FAM193A: variants seen among roughly 807,000 people sequenced by gnomAD.
FAM193A encodes protein FAM193A.
A neutral mutation model predicts 126.5 loss-of-function variants in FAM193A; 22 were observed. The observed-to-expected ratio is 0.17, with a 90% CI of 0.12 to 0.25. The LOEUF is 0.25. Ranked by LOEUF, FAM193A falls within the 10% of genes least tolerant of loss-of-function variation. The pLI is 1.00. For missense variants in FAM193A, 1,675 were observed against 1,672.8 expected (o/e 1.00, Z -0.02); for synonymous variants, 761 against 646.8 (o/e 1.18, Z -2.68).
chr4:2,625,910 G>A (rs1017416992), intron 3 of FAM193A, among the ~76,000 whole-genome samples: 1 of 152,026 alleles, frequency 6.6e-6, no homozygotes, highest in African/African-American at 2.4e-5. Context: ...ATTTTATAGA[G>A]ATGGGGCTTC....
chr4:2,674,173 A>G (rs1203972215), intron 13 of FAM193A, among the ~76,000 whole-genome samples: 2 of 152,246 alleles, frequency 1.3e-5, no homozygotes, highest in Non-Finnish European at 2.9e-5. Context: ...ACAATTATCA[A>G]AATACTTCAT....
rs375457433 is a variant in FAM193A at position 2,663,000 on chromosome 4, A to T, written c.1899+9A>T. Reference sequence around the variant, plus strand: ...TGGCCCTGAAGGATGAGGTATGGACATGGCTTCTTCGTAGCAACAATAAAT... The same window carrying T: ...TGGCCCTGAAGGATGAGGTATGGACTTGGCTTCTTCGTAGCAACAATAAAT... On this transcript the variant is annotated intron_variant, in intron 11 of 20. Coordinates refer to ENST00000637812, the MANE Select transcript of FAM193A (RefSeq NM_001366318.2). 66 of 1,604,470 alleles carry T rather than the reference A, an allele frequency of 4.1e-5. 1 individual carries two copies. The Middle Eastern group carries it at 5.0e-4, about 12-fold the overall frequency.
intron 20 of FAM193A, among the ~76,000 whole-genome samples, chr4:2,716,407 C>G (rs1310960372): frequency 1.3e-5 from 2 of 151,420 alleles, no homozygotes; most frequent in East Asian, 3.9e-4. Flanking sequence ...CGGTGGCTCT[C>G]CAGGTGTCCT....
At position 2,672,135 on chromosome 4, in the gene FAM193A, A is replaced by G; in HGVS notation, c.2094A>G (p.Pro698=). 1.9e-6 allele frequency: 3 copies of G among 1,614,210 alleles called. No homozygotes were observed. Among genetic ancestry groups the G allele is most frequent in the Non-Finnish European group, 1.7e-6 (2 of 1,180,032 alleles). Reference sequence around the variant, plus strand: ...TTTCCTCTTAGGCTGAACAAGCTCCAAACACTTGTGAATGTCATGTTTGTA... The same window carrying G: ...TTTCCTCTTAGGCTGAACAAGCTCCGAACACTTGTGAATGTCATGTTTGTA... The part of the protein sequence containing the change: ...SYPTQQAEQA[P]NTCECHVCKQ... The change falls in exon 13 of 21, where the codon CCA becomes CCG. Residue 698 remains proline (P), a synonymous_variant. Coordinates refer to ENST00000637812, the MANE Select transcript of FAM193A (RefSeq NM_001366318.2).
At chr4:2,651,895 A>G (rs942021904) in intron 7 of FAM193A, among the ~76,000 whole-genome samples, 1 of 152,188 alleles carries the variant, frequency 6.6e-6, no homozygotes, top group Non-Finnish European at 1.5e-5. Context: ...AGGAGAGTCC[A>G]GACCCCGTGT....
intron 20 of FAM193A, among the ~76,000 whole-genome samples, chr4:2,721,879 T>C (rs1395645378): frequency 6.6e-6 from 1 of 152,234 alleles, no homozygotes; most frequent in African/African-American, 2.4e-5. Flanking sequence ...CACTGCCATG[T>C]GTTCATACCG....
rs777683952 is a variant in FAM193A, at chr4:2,716,052, C to T, written c.4402C>T (p.Leu1468=). The change falls in exon 20 of 21, where the codon CTA becomes TTA. Residue 1468 remains leucine (L), a synonymous_variant. Coordinates refer to ENST00000637812, the MANE Select transcript of FAM193A (RefSeq NM_001366318.2). ...DDVFLPKDID[L]DSVDMDETER... Reference sequence around the variant, plus strand: ...TGTCTTTCTACCTAAAGATATTGACCTAGACAGTGTGGATATGGATGAGAC... The same window carrying T: ...TGTCTTTCTACCTAAAGATATTGACTTAGACAGTGTGGATATGGATGAGAC... The T allele has an allele frequency of 6.2e-7, 1 of 1,606,160 alleles. No individual in the cohort carries two copies. Among genetic ancestry groups the T allele is most frequent in the Non-Finnish European group, 8.5e-7 (1 of 1,172,716 alleles).
chr4:2,659,708 T>C (rs764791824), intron 9 of FAM193A, 38 bp downstream of exon 9: 13 of 1,611,688 alleles, frequency 8.1e-6, no homozygotes, highest in Non-Finnish European at 1.1e-5. Context: ...ACTGGCCCAT[T>C]GGACCTTCAC....
In FAM193A at chr4:2,588,064, G is replaced by C. The variant is rs375428387; in HGVS notation, c.256-8020G>C. ...ACTACTGCCAAGTGCTTTTCCAAAA[G>C]ATTGCTGGTGCTCACACCACCCTCA... On this transcript the variant is annotated intron_variant, in intron 1 of 20. Transcript: ENST00000637812. Among the ~76,000 whole-genome samples the C allele has an allele frequency of 6.1e-4, 93 of 152,284 alleles. 1 individual carries two copies. In the South Asian group the frequency reaches 0.019, roughly 31 times the overall value.
At chr4:2,706,650 C>T (rs947669193) in intron 19 of FAM193A, among the ~76,000 whole-genome samples, 3 of 151,480 alleles carry the variant, frequency 2.0e-5, no homozygotes, top group Non-Finnish European at 2.9e-5. Context: ...ATTTCTCTTC[C>T]TTTCCTCTCT....
intron 2 of FAM193A, among the ~76,000 whole-genome samples, chr4:2,620,209 A>G (rs973731425): frequency 3.3e-5 from 5 of 152,188 alleles, no homozygotes; most frequent in Non-Finnish European, 7.3e-5. Context: ...AGGATTTAAT[A>G]TGTAGTCATC....
chr4:2,698,248 A>G (rs1717268183), intron 18 of FAM193A, among the ~76,000 whole-genome samples: 1 of 152,216 alleles, frequency 6.6e-6, no homozygotes, highest in African/African-American at 2.4e-5. Context: ...ACCTGCCTTT[A>G]CATGCTTGTT....
chr4:2,588,059 CA>C (rs1740332283), intron 1 of FAM193A, among the ~76,000 whole-genome samples: 1 of 152,158 alleles, frequency 6.6e-6, no homozygotes, highest in South Asian at 2.1e-4. Context: ...AGTGCTTTTC[CA>C]AAAGATTGCT....
chr4:2,714,913 C>G (rs1719380344), intron 19 of FAM193A, among the ~76,000 whole-genome samples: 1 of 151,226 alleles, frequency 6.6e-6, no homozygotes, highest in Non-Finnish European at 1.5e-5. Flanking sequence ...ACCCCCCCAA[C>G]CCCGCCCCAG....
chr4:2,617,285 G>C (rs1314656112), intron 2 of FAM193A, among the ~76,000 whole-genome samples: 1 of 1,950 alleles, frequency 5.1e-4, no homozygotes, highest in African/African-American at 2.2e-3. Flanking sequence ...TTTTTTTTTT[G>C]AGATGGAGTC....
At chr4:2,556,728 A>G (rs910172459) in intron 1 of FAM193A, among the ~76,000 whole-genome samples, 7 of 152,206 alleles carry the variant, frequency 4.6e-5, no homozygotes, top group Admixed American at 6.6e-5. Context: ...AGTAATTCCA[A>G]TAATGTTTGT....
At chr4:2,725,413 G>A (rs1720618809) in intron 20 of FAM193A, among the ~76,000 whole-genome samples, 1 of 128,412 alleles carries the variant, frequency 7.8e-6, no homozygotes, top group Non-Finnish European at 1.5e-5. Context: ...TCGTACCACT[G>A]CACTCCAGCC....
chr4:2,572,914 T>G (rs915875764), intron 1 of FAM193A, among the ~76,000 whole-genome samples: 3 of 150,804 alleles, frequency 2.0e-5, no homozygotes, highest in African/African-American at 4.9e-5. Flanking sequence ...GAGAGAGAGA[T>G]GGGTTGAACG....
At chr4:2,575,488 G>A (rs1739533902) in intron 1 of FAM193A, among the ~76,000 whole-genome samples, 2 of 135,572 alleles carry the variant, frequency 1.5e-5, no homozygotes, top group South Asian at 4.6e-4. Context: ...TTTTTTTGAC[G>A]CTGAGTCTTG....
Sources: allele counts gnomAD v4.1 joint callset (sites outside exome capture counted in the v4.1 genomes callset), GRCh38; gene constraint gnomAD v4.1.1; transcripts MANE v1.5; gene names NCBI Gene and HGNC (gene_info 2026-07-23, HGNC 2026-07-21).